Variants in LIN54 observed in about 807,000 individuals in gnomAD.
The protein encoded by LIN54 is lin-54 DREAM MuvB core complex component.
Under a neutral mutation model 78.7 loss-of-function variants are expected in LIN54, and 9 were observed. The ratio of observed to expected loss-of-function variants is 0.11; its 90% confidence interval spans 0.07 to 0.20. The LOEUF (loss-of-function observed/expected upper bound fraction) is 0.20. LIN54 is among the 10% of genes least tolerant of loss of function. LIN54 has a pLI of 1.00. For synonymous variants in LIN54, 269 were observed against 318.4 expected, an observed-to-expected ratio of 0.84 and a Z score of 1.65; for missense variants, 573 against 889.9, an observed-to-expected ratio of 0.64 and a Z score of 4.53.
chr4:82,985,480 C>A (rs1051402429), intron 1 of LIN54, among the ~76,000 whole-genome samples: 3 of 152,096 alleles, frequency 2.0e-5, no homozygotes, highest in African/African-American at 7.2e-5. Flanking sequence ...TAGCTTCATA[C>A]CAGGGAAATT....
chr4:82,941,432 T>C (rs1722883290), intron 5 of LIN54, among the ~76,000 whole-genome samples: 3 of 152,086 alleles, frequency 2.0e-5, no homozygotes. Flanking sequence ...TTGCAGACAT[T>C]TATGGAGGAC....
In LIN54 at chr4:82,992,859, T is replaced by C. The variant is rs531076390; in HGVS notation, c.-32-7983A>G. Among the ~76,000 whole-genome samples the C allele has an allele frequency of 5.7e-4, 87 of 151,852 alleles. 2 individuals carry two copies. Among genetic ancestry groups the C allele is most frequent in the Admixed American group, 3.5e-3 (53 of 15,224 alleles). ...CTGGTTAACACGGTGAAACCCCGTCTCTACTAAAAATACAAAAAATTAGCC... is the reference window on the plus strand; with the variant it reads ...CTGGTTAACACGGTGAAACCCCGTCCCTACTAAAAATACAAAAAATTAGCC... On this transcript the variant is annotated intron_variant, in intron 1 of 12. Coordinates refer to ENST00000340417, the MANE Select transcript of LIN54 (RefSeq NM_194282.4).
At chr4:82,930,544 T>C (rs1248649322) in intron 12 of LIN54, among the ~76,000 whole-genome samples, 3 of 152,204 alleles carry the variant, frequency 2.0e-5, no homozygotes, top group Non-Finnish European at 2.9e-5. Flanking sequence ...GCTGCACTAT[T>C]ACAGTGTGAT....
intron 4 of LIN54, among the ~76,000 whole-genome samples, chr4:82,969,321 G>T (rs1578570501): frequency 6.6e-6 from 1 of 152,274 alleles, no homozygotes; most frequent in Non-Finnish European, 1.5e-5. Flanking sequence ...TTGTAATTCT[G>T]TAGGACAATT....
At position 82,984,351 on chromosome 4, in the gene LIN54, T is replaced by C. The variant is rs1166181445; in HGVS notation, c.494A>G (p.Gln165Arg). 1.9e-6 allele frequency: 3 copies of C among 1,614,226 alleles called. No individual in the cohort carries two copies. Among genetic ancestry groups the C allele is most frequent in the East Asian group, 2.2e-5 (1 of 44,886 alleles). Residue 165 changes from glutamine to arginine, a missense_variant, in exon 2 of 13, where the codon CAG becomes CGG. Coordinates refer to ENST00000340417, the MANE Select transcript of LIN54 (RefSeq NM_194282.4). The stretch of plus-strand genomic sequence containing the variant: ...TGACTGGGCCTGAGTTGTAACTTTC[T>C]GAGCCTGGGGTAGTTGGCTATGGGG... ...ALPHSQLPQA[Q>R]KVTTQAQSGD...
At position 82,926,134 on chromosome 4, in the gene LIN54, G is replaced by A. The variant is rs771461524; in HGVS notation, c.*1968C>T. 1.3e-5 allele frequency: 2 copies of A among 152,284 alleles called. No individual in the cohort carries two copies. The highest frequency in any genetic ancestry group is 4.1e-4 in the South Asian group (2 of 4,824). 9.4% of individuals were successfully genotyped at this position (152,284 alleles called of 1,614,324 possible). A position where few individuals can be genotyped will look rare whatever the true frequency, so the allele number is the denominator to read the frequency against. ...TCTACAATTGTAATCAAAATTTCAC[G>A]AACATTTTCTGCACACTGTATATAA... On this transcript the variant is annotated 3_prime_UTR_variant, in exon 13 of 13. Transcript: ENST00000340417.
At chr4:82,995,306 G>GA (rs199656446) in intron 1 of LIN54, among the ~76,000 whole-genome samples, 2 of 150,796 alleles carry the variant, frequency 1.3e-5, no homozygotes, top group African/African-American at 4.9e-5. Flanking sequence ...TCTCTGGGGG[G>GA]AAAAAAATTA....
At chr4:83,012,051 G>A, upstream of LIN54, 1 of 985,248 alleles carries the variant, frequency 1.0e-6, no homozygotes, top group Non-Finnish European at 1.2e-6. Context: ...ATAAAAGTCG[G>A]TAGATTCAGC....
chr4:82,953,580 T>C (rs1467785224), intron 4 of LIN54, among the ~76,000 whole-genome samples: 5 of 151,904 alleles, frequency 3.3e-5, no homozygotes, highest in Admixed American at 3.3e-4. Context: ...CTGGGCAACA[T>C]AGCAAGACTC....
At chr4:82,969,097 C>A (rs9884469) in intron 4 of LIN54, among the ~76,000 whole-genome samples, 82,258 of 152,010 alleles carry the variant, frequency 0.54, 24,099 homozygotes, top group East Asian at 0.78. Context: ...AACCTTAGCA[C>A]CCTCGGCTCT....
In LIN54 at chr4:82,959,920, A is replaced by C. The variant is rs1383512286; in HGVS notation, c.951+10407T>G. Reference sequence around the variant, plus strand: ...TCTACCATCACAAATTATTTTTAAGAAGTTGAAAAAATTATTCTTAATTAT... The same window carrying C: ...TCTACCATCACAAATTATTTTTAAGCAGTTGAAAAAATTATTCTTAATTAT... On this transcript the variant is annotated intron_variant, in intron 4 of 12. Coordinates refer to ENST00000340417, the MANE Select transcript of LIN54 (RefSeq NM_194282.4). Among the ~76,000 whole-genome samples, 4 of 152,218 alleles carry C rather than the reference A, an allele frequency of 2.6e-5. No individual in the cohort carries two copies. In the South Asian group the frequency reaches 6.2e-4, roughly 24 times the overall value.
intron 11 of LIN54, 106 bp from the exon 12 acceptor site, chr4:82,931,251 A>ACCAGG: frequency 1.3e-6 from 1 of 785,596 alleles, no homozygotes; most frequent in Non-Finnish European, 2.1e-6. Flanking sequence ...TGGTCAACTG[A>ACCAGG]TAATAAGATT....
At chr4:82,953,054 G>A (rs1224702671) in intron 4 of LIN54, among the ~76,000 whole-genome samples, 3 of 152,196 alleles carry the variant, frequency 2.0e-5, no homozygotes, top group African/African-American at 7.2e-5. Flanking sequence ...TTAGGCACTC[G>A]CGAGGCAGCG....
chr4:83,001,006 T>C (rs1237024278), intron 1 of LIN54, among the ~76,000 whole-genome samples: 2 of 151,646 alleles, frequency 1.3e-5, no homozygotes, highest in East Asian at 1.9e-4. Context: ...TTAGGAGAGA[T>C]GGGGTTCTGC....
chr4:82,978,697 A>G (rs1359063227), intron 3 of LIN54, among the ~76,000 whole-genome samples, 186 bp downstream of exon 3: 1 of 152,194 alleles, frequency 6.6e-6, no homozygotes, highest in Non-Finnish European at 1.5e-5. Context: ...AACTAAGGAG[A>G]CTAAAGTAAT....
intron 4 of LIN54, among the ~76,000 whole-genome samples, chr4:82,947,218 T>TAC: frequency 9.0e-5 from 1 of 11,154 alleles, no homozygotes; most frequent in East Asian, 1.8e-3. Context: ...TATATATATA[T>TAC]ATATATATAT....
At chr4:82,933,915 C>CTTAA (rs1292022000) in intron 11 of LIN54, among the ~76,000 whole-genome samples, 1 of 152,096 alleles carries the variant, frequency 6.6e-6, no homozygotes, top group African/African-American at 2.4e-5. Context: ...GTCGCTTTAC[C>CTTAA]CTTCTGATCC....
chr4:82,939,611 G>C lies in LIN54; in HGVS notation c.1368C>G (p.Gly456=). Residue 456 remains glycine (G), a synonymous_variant, in exon 7 of 13, where the codon GGC becomes GGG. Coordinates refer to ENST00000340417, the MANE Select transcript of LIN54 (RefSeq NM_194282.4). ...IQPNLTNLPP[G]TVLAPAPGTG... is the part of the protein sequence containing the mutation. ...TTCCCGGAGCTGGTGCCAGGACAGTGCCTGGTGGCAGGTTAGTGAGGTTGG... is the reference window on the plus strand; with the variant it reads ...TTCCCGGAGCTGGTGCCAGGACAGTCCCTGGTGGCAGGTTAGTGAGGTTGG... 3.1e-6 allele frequency: 5 copies of C among 1,614,228 alleles called. No homozygotes were observed. The highest frequency in any genetic ancestry group is 4.2e-6 in the Non-Finnish European group (5 of 1,180,036).
chr4:83,000,840 T>TTTTTTTTTTTGG (rs70943183), intron 1 of LIN54, among the ~76,000 whole-genome samples: 4 of 150,236 alleles, frequency 2.7e-5, no homozygotes, highest in Admixed American at 6.6e-5. Context: ...TTTTTTTTTT[T>TTTTTTTTTTTGG]GGAGATAGAG....
Sources: gnomAD v4.1 joint callset for allele counts (sites outside exome capture counted in the v4.1 genomes callset) on GRCh38, gnomAD v4.1.1 for gene constraint, MANE v1.5 for transcripts, NCBI Gene and HGNC (gene_info 2026-07-23, HGNC 2026-07-21) for gene names.